NMNAT2: variants seen among roughly 807,000 people sequenced by gnomAD.
NMNAT2 encodes nicotinamide nucleotide adenylyltransferase 2.
Under a neutral mutation model 41.6 loss-of-function variants are expected in NMNAT2, and 11 were observed. That is an observed-to-expected ratio of 0.26 (90% CI 0.17 to 0.44). The LOEUF is 0.44. Ranked by LOEUF, NMNAT2 falls within the 20% of genes least tolerant of loss-of-function variation. The pLI is 1.00. For synonymous variants in NMNAT2, 148 were observed against 151.2 expected (o/e 0.98, Z 0.16); for missense variants, 288 against 407.7 (o/e 0.71, Z 2.53).
At chr1:183,394,104 G>C (rs1648564035) in intron 1 of NMNAT2, among the ~76,000 whole-genome samples, 1 of 152,222 alleles carries the variant, frequency 6.6e-6, no homozygotes, top group South Asian at 2.1e-4. Flanking sequence ...AGCTATGTTT[G>C]AGATGCCCAC....
chr1:183,367,350 T>C (rs1407844883), intron 1 of NMNAT2, among the ~76,000 whole-genome samples: 2 of 152,024 alleles, frequency 1.3e-5, no homozygotes, highest in African/African-American at 4.8e-5. Context: ...CCCAGCTACT[T>C]GGGAGGCTGA....
At chr1:183,396,346 T>G (rs537577921) in intron 1 of NMNAT2, among the ~76,000 whole-genome samples, 2 of 152,090 alleles carry the variant, frequency 1.3e-5, no homozygotes, top group Non-Finnish European at 2.9e-5. Flanking sequence ...AATAATTGGT[T>G]GCAGCCAGCA....
intron 1 of NMNAT2, among the ~76,000 whole-genome samples, chr1:183,339,475 T>C (rs901329513): frequency 6.6e-6 from 1 of 152,136 alleles, no homozygotes; most frequent in Non-Finnish European, 1.5e-5. Context: ...CTTTGCAGCA[T>C]TATTGTAGAG....
chr1:183,357,219 CTTTTTTTTTTTTTTTT>C (rs11343113), intron 1 of NMNAT2, among the ~76,000 whole-genome samples: 1 of 71,600 alleles, frequency 1.4e-5, no homozygotes, highest in Admixed American at 1.6e-4. Flanking sequence ...ACATCAAATT[CTTTTTTTTTTTTTTTT>C]TTTTTTTTTT....
At chr1:183,282,292 C>A (rs910900706) in intron 7 of NMNAT2, among the ~76,000 whole-genome samples, 1 of 152,224 alleles carries the variant, frequency 6.6e-6, no homozygotes, top group African/African-American at 2.4e-5. Flanking sequence ...TGGTCCCTGG[C>A]GGCTGGCTCA....
intron 1 of NMNAT2, among the ~76,000 whole-genome samples, chr1:183,326,217 A>C (rs1185893788): frequency 2.6e-5 from 4 of 151,934 alleles, no homozygotes; most frequent in African/African-American, 9.7e-5. Flanking sequence ...CTGTACTAAA[A>C]ATACAAAAAT....
At chr1:183,339,783 C>T (rs557139014) in intron 1 of NMNAT2, among the ~76,000 whole-genome samples, 1 of 152,070 alleles carries the variant, frequency 6.6e-6, no homozygotes, top group South Asian at 2.1e-4. Context: ...CAAAATGAAG[C>T]TCCTTTTGAG....
chr1:183,296,222 C>G (rs1661692995), intron 1 of NMNAT2, among the ~76,000 whole-genome samples: 2 of 152,120 alleles, frequency 1.3e-5, no homozygotes, highest in South Asian at 2.1e-4. Flanking sequence ...CATTCATCTA[C>G]CAAAGAACAT....
chr1:183,273,833 CCCTCCCTCCCTTCCTTCCTTCCTTCCTT>C (rs1181942933), intron 8 of NMNAT2, among the ~76,000 whole-genome samples: 3 of 2,420 alleles, frequency 1.2e-3, no homozygotes, highest in Non-Finnish European at 2.6e-3. Context: ...TTCCCTCCCT[CCCTCCCTCCCTTCCTTCCTTCCTTCCTT>C]CCTTCCTTCC....
chr1:183,404,690 A>G (rs1483146826), intron 1 of NMNAT2, among the ~76,000 whole-genome samples: 1 of 152,214 alleles, frequency 6.6e-6, no homozygotes, highest in Non-Finnish European at 1.5e-5. Flanking sequence ...AAAGATGTGA[A>G]AGACAGTGCT....
chr1:183,266,638 C>T (rs1012998154), intron 8 of NMNAT2: 1 of 154,602 alleles, frequency 6.5e-6, no homozygotes, highest in African/African-American at 2.4e-5. Flanking sequence ...AAACACCAGT[C>T]CCAAGGATGC....
At chr1:183,335,887 C>A (rs1662670487) in intron 1 of NMNAT2, among the ~76,000 whole-genome samples, 1 of 152,182 alleles carries the variant, frequency 6.6e-6, no homozygotes, top group Admixed American at 6.5e-5. Flanking sequence ...TCTGTGAATA[C>A]AATAGGCTGG....
intron 1 of NMNAT2, among the ~76,000 whole-genome samples, chr1:183,330,920 A>G (rs1662568693): frequency 6.6e-6 from 1 of 151,992 alleles, no homozygotes; most frequent in Non-Finnish European, 1.5e-5. Context: ...AATGATCCTA[A>G]TGTTTCCTTC....
At chr1:183,398,553 A>G (rs532358060) in intron 1 of NMNAT2, among the ~76,000 whole-genome samples, 21 of 152,208 alleles carry the variant, frequency 1.4e-4, no homozygotes, top group Non-Finnish European at 2.9e-5. Flanking sequence ...GCTCTGCACC[A>G]AGGGGACCTA....
In NMNAT2 at chr1:183,286,716, C is replaced by T. The variant is rs1661408469; in HGVS notation, c.394G>A (p.Glu132Lys). ...TTCTGGTAAATGGGCTGGGGGGTCT[C>T]GTTTTGTGGCTGTCCGATCACAGGT... Reference protein sequence around the residue: ...MTPVIGQPQNETPQPIYQNSN... With the variant: ...MTPVIGQPQNKTPQPIYQNSN... The change falls in exon 5 of 11, where the codon GAG becomes AAG. Residue 132 changes from glutamate to lysine, a missense_variant. By Grantham distance (56) the Glu-to-Lys change is moderately conservative. Transcript: ENST00000287713. The T allele has an allele frequency of 1.2e-6, 2 of 1,612,232 alleles. No individual in the cohort carries two copies. The highest frequency in any genetic ancestry group is 1.7e-6 in the Non-Finnish European group (2 of 1,179,284).
rs969230270 is a variant in NMNAT2, at chr1:183,364,709, T to A, written c.85+53474A>T. On this transcript the variant is annotated intron_variant, in intron 1 of 10. Coordinates refer to ENST00000287713, the MANE Select transcript of NMNAT2 (RefSeq NM_015039.4). ...TTTTTTTGTTGTTGTTGTTATTGTT[T>A]GAGACGGAGTCTCACACCGTCTCCC... Among the ~76,000 whole-genome samples the A allele has an allele frequency of 2.0e-5, 3 of 152,096 alleles. No homozygotes were observed. In the East Asian group the frequency reaches 5.8e-4, roughly 29 times the overall value.
At chr1:183,268,923 G>A (rs754199271) in intron 8 of NMNAT2, among the ~76,000 whole-genome samples, 7 of 152,034 alleles carry the variant, frequency 4.6e-5, no homozygotes, top group African/African-American at 9.7e-5. Context: ...GTGTTGGCAC[G>A]TGCCTGAGTC....
chr1:183,266,775 G>A, intron 8 of NMNAT2: 1 of 212,136 alleles, frequency 4.7e-6, no homozygotes, highest in Non-Finnish European at 9.9e-6. Context: ...GATCTCCAGG[G>A]CAAAAACTGC....
Position 183,362,639 on chromosome 1 carries a change from T to C in NMNAT2, c.85+55544A>G, listed in dbSNP as rs148356601. Among the ~76,000 whole-genome samples the C allele has an allele frequency of 3.9e-4, 59 of 152,364 alleles. 2 individuals carry two copies. In the East Asian group the frequency reaches 0.011, roughly 27 times the overall value. ...TTTATGGCTGAATAATATTCCAGTA[T>C]ATAGATATAGCACAGTTTTTCATCA... On this transcript the variant is annotated intron_variant, in intron 1 of 10. Transcript: ENST00000287713.
Sources: gnomAD v4.1 joint callset for allele counts (sites outside exome capture counted in the v4.1 genomes callset) on GRCh38, gnomAD v4.1.1 for gene constraint, MANE v1.5 for transcripts, NCBI Gene and HGNC (gene_info 2026-07-23, HGNC 2026-07-21) for gene names.